GRM1: variants seen among roughly 807,000 people sequenced by gnomAD.
The protein encoded by GRM1 is metabotropic glutamate receptor 1.
In GRM1, 33 loss-of-function variants were observed where a neutral mutation model predicts 90.9. The ratio of observed to expected loss-of-function variants is 0.36; its 90% CI spans 0.28 to 0.49. The LOEUF (loss-of-function observed/expected upper bound fraction) is 0.49. Ranked by LOEUF, GRM1 falls within the 20% of genes least tolerant of loss-of-function variation. GRM1 has a pLI of 0.99. For missense variants in GRM1, 1,190 were observed against 1,534.3 expected (o/e 0.78, Z 3.75); for synonymous variants, 700 against 613.2 (o/e 1.14, Z -2.09).
At chr6:146,136,252 A>G (rs1038041293) in intron 1 of GRM1, among the ~76,000 whole-genome samples, 1 of 152,198 alleles carries the variant, frequency 6.6e-6, no homozygotes, top group Non-Finnish European at 1.5e-5. Flanking sequence ...GGTAGTGCAG[A>G]TATGTCTTCA....
At chr6:146,225,526 C>A (rs9497494) in intron 2 of GRM1, among the ~76,000 whole-genome samples, 1 of 151,994 alleles carries the variant, frequency 6.6e-6, no homozygotes, top group Non-Finnish European at 1.5e-5. Flanking sequence ...ACTTCATTTT[C>A]ATTTTGAAGT....
At chr6:146,159,145 G>A (rs1449575225) in intron 1 of GRM1, among the ~76,000 whole-genome samples, 1 of 152,124 alleles carries the variant, frequency 6.6e-6, no homozygotes, top group Non-Finnish European at 1.5e-5. Context: ...ATCGTCTCTC[G>A]TTATTTCCAC....
chr6:146,301,731 A>G (rs965296315), intron 2 of GRM1, among the ~76,000 whole-genome samples: 3 of 152,206 alleles, frequency 2.0e-5, no homozygotes, highest in African/African-American at 7.2e-5. Flanking sequence ...GTCATGAACT[A>G]TAGCTCAAAT....
chr6:146,387,531 A>G (rs1776552728), intron 6 of GRM1, among the ~76,000 whole-genome samples: 1 of 152,082 alleles, frequency 6.6e-6, no homozygotes, highest in Non-Finnish European at 1.5e-5. Flanking sequence ...AAAATATAAT[A>G]AAACATAATA....
chr6:146,378,161 C>T (rs550095874), intron 5 of GRM1, among the ~76,000 whole-genome samples: 1 of 152,292 alleles, frequency 6.6e-6, no homozygotes, highest in African/African-American at 2.4e-5. Flanking sequence ...GGGGTGGAAC[C>T]CTCATGGAGA....
Position 146,191,436 on chromosome 6 carries a change from C to T in GRM1, c.950+31839C>T, listed in dbSNP as rs116803588. ...CTTCGGTGATTCCTCTCTGTTTAAC[C>T]CTCTTACTGATTTGATTTCCAACTT... On this transcript the variant is annotated intron_variant, in intron 2 of 7. Coordinates refer to ENST00000282753, the MANE Select transcript of GRM1 (RefSeq NM_001278064.2). Among the ~76,000 whole-genome samples, 1,352 of 152,220 alleles carry T rather than the reference C, an allele frequency of 8.9e-3. 19 individuals carry two copies. Among genetic ancestry groups the T allele is most frequent in the African/African-American group, 0.03 (1,245 of 41,526 alleles).
At chr6:146,348,423 A>G (rs558395503) in intron 3 of GRM1, among the ~76,000 whole-genome samples, 1 of 152,312 alleles carries the variant, frequency 6.6e-6, no homozygotes, top group South Asian at 2.1e-4. Flanking sequence ...ATGCTAGTTT[A>G]TTAGACTTGG....
intron 5 of GRM1, among the ~76,000 whole-genome samples, chr6:146,375,052 T>C (rs879314953): frequency 2.0e-5 from 3 of 152,000 alleles, no homozygotes; most frequent in Non-Finnish European, 4.4e-5. Flanking sequence ...ACACTATCCA[T>C]AGGTTTGGTA....
chr6:146,375,805 G>A (rs1337225710), intron 5 of GRM1, among the ~76,000 whole-genome samples: 1 of 151,820 alleles, frequency 6.6e-6, no homozygotes, highest in Non-Finnish European at 1.5e-5. Flanking sequence ...GTTTTTTGTA[G>A]GCAGCAGCTT....
At chr6:146,264,117 G>A (rs960649303) in intron 2 of GRM1, among the ~76,000 whole-genome samples, 1 of 152,084 alleles carries the variant, frequency 6.6e-6, no homozygotes, top group Non-Finnish European at 1.5e-5. Flanking sequence ...GTCTTGGAAA[G>A]CATGATGCTG....
At chr6:146,346,882 G>C (rs1785206696) in intron 3 of GRM1, among the ~76,000 whole-genome samples, 1 of 152,110 alleles carries the variant, frequency 6.6e-6, no homozygotes, top group African/African-American at 2.4e-5. Flanking sequence ...TACAAATGTC[G>C]AGAAATCAGA....
At chr6:146,208,367 A>G (rs1235245709) in intron 2 of GRM1, among the ~76,000 whole-genome samples, 1 of 152,154 alleles carries the variant, frequency 6.6e-6, no homozygotes, top group Non-Finnish European at 1.5e-5. Flanking sequence ...TCTGTGTATA[A>G]TGTAGTTTGT....
At chr6:146,289,121 A>G (rs1231276614) in intron 2 of GRM1, among the ~76,000 whole-genome samples, 1 of 152,194 alleles carries the variant, frequency 6.6e-6, no homozygotes. Context: ...ACTAAAAAAA[A>G]AGGTTAAGTG....
At chr6:146,382,737 AAGTTCTT>A (rs1460610076) in intron 5 of GRM1, among the ~76,000 whole-genome samples, 27 of 152,134 alleles carry the variant, frequency 1.8e-4, no homozygotes, top group Non-Finnish European at 3.1e-4. Flanking sequence ...GGAGGCACTA[AAGTTCTT>A]TGAGTGACCT....
At chr6:146,218,709 G>A (rs1779955994) in intron 2 of GRM1, among the ~76,000 whole-genome samples, 1 of 152,126 alleles carries the variant, frequency 6.6e-6, no homozygotes, top group Non-Finnish European at 1.5e-5. Flanking sequence ...CAGCTTCTGT[G>A]AATACATCCA....
chr6:146,068,100 T>C (rs1337054919), intron 1 of GRM1, among the ~76,000 whole-genome samples: 1 of 151,402 alleles, frequency 6.6e-6, no homozygotes, highest in Non-Finnish European at 1.5e-5. Context: ...TAAATATCAT[T>C]GAACCTTCAA....
chr6:146,433,739 G>A, intron 7 of GRM1, 133 bp from the exon 8 acceptor site: 1 of 708,722 alleles, frequency 1.4e-6, no homozygotes, highest in Non-Finnish European at 2.5e-6. Flanking sequence ...GGAGGTATGG[G>A]GTGCTGGAGC....
intron 2 of GRM1, chr6:146,171,812 AT>A: frequency 3.6e-6 from 1 of 274,922 alleles, no homozygotes; most frequent in Non-Finnish European, 7.6e-6. Flanking sequence ...GACTGGGGAA[AT>A]TTTCAGAGGT....
At chr6:146,376,199 T>A (rs1776092648) in intron 5 of GRM1, among the ~76,000 whole-genome samples, 1 of 152,128 alleles carries the variant, frequency 6.6e-6, no homozygotes, top group Admixed American at 6.6e-5. Context: ...GCTTTTAAAC[T>A]TTTTGTTGTT....
Sources: allele counts gnomAD v4.1 joint callset (sites outside exome capture counted in the v4.1 genomes callset), GRCh38; gene constraint gnomAD v4.1.1; transcripts MANE v1.5; gene names NCBI Gene and HGNC (gene_info 2026-07-23, HGNC 2026-07-21).